Variants in PRIM2 observed in about 807,000 individuals in gnomAD.
PRIM2 encodes the protein DNA primase large subunit.
Under a neutral mutation model 67.3 loss-of-function variants are expected in PRIM2, and 39 were observed. The observed-to-expected ratio is 0.58, with a 90% CI of 0.45 to 0.76. The LOEUF (loss-of-function observed/expected upper bound fraction) is 0.76. PRIM2 is among the 30% of genes least tolerant of loss of function. The probability of loss-of-function intolerance (pLI) is 0.00; values close to 1 mark genes in which losing one functional copy is unlikely to be tolerated. For missense variants in PRIM2, 398 were observed against 598.7 expected (o/e 0.66, Z 3.50); for synonymous variants, 143 against 198.7 (o/e 0.72, Z 2.36).
chr6:57,374,002 A>C (rs1374908327), intron 5 of PRIM2, among the ~76,000 whole-genome samples: 1 of 152,148 alleles, frequency 6.6e-6, no homozygotes, highest in Non-Finnish European at 1.5e-5. Flanking sequence ...TGGTAGTTTG[A>C]TGGGATTAGC....
chr6:57,279,524 C>T, the PRIM2 span, among the ~76,000 whole-genome samples: 3 of 152,148 alleles, frequency 2.0e-5, no homozygotes, highest in Non-Finnish European at 4.4e-5. Context: ...CCCAGGCAGG[C>T]TCCAGTCACC....
chr6:57,379,323 T>A (rs1487151047), intron 5 of PRIM2, among the ~76,000 whole-genome samples: 1 of 135,732 alleles, frequency 7.4e-6, no homozygotes, highest in Non-Finnish European at 1.6e-5. Context: ...TTATATTTCA[T>A]CTTCATTTAC....
At chr6:57,544,256 G>A (rs1775239673) in intron 10 of PRIM2, among the ~76,000 whole-genome samples, 1 of 151,904 alleles carries the variant, frequency 6.6e-6, no homozygotes, top group African/African-American at 2.4e-5. Context: ...TGGTCGGAGA[G>A]GAGATTATGT....
At chr6:57,501,094 G>GAGAA (rs1416751024) in intron 7 of PRIM2, among the ~76,000 whole-genome samples, 4 of 152,054 alleles carry the variant, frequency 2.6e-5, no homozygotes, top group Admixed American at 1.3e-4. Context: ...TTGTTAAAAA[G>GAGAA]TGTTATTGAA....
chr6:57,417,956 G>C (rs551108316), intron 7 of PRIM2, among the ~76,000 whole-genome samples: 2 of 152,050 alleles, frequency 1.3e-5, no homozygotes, highest in African/African-American at 4.8e-5. Context: ...CTAGATCCTC[G>C]CTAATCAATT....
intron 12 of PRIM2, among the ~76,000 whole-genome samples, chr6:57,628,214 G>A (rs1776986516): frequency 6.6e-6 from 1 of 152,110 alleles, no homozygotes; most frequent in Non-Finnish European, 1.5e-5. Context: ...TCCTATTCTT[G>A]TTTTTTGTCT....
intron 5 of PRIM2, among the ~76,000 whole-genome samples, chr6:57,372,183 G>A (rs1042608571): frequency 1.2e-4 from 19 of 152,274 alleles, no homozygotes; most frequent in Admixed American, 9.8e-4. Flanking sequence ...CATCACCAAA[G>A]AGGAATTGAG....
the PRIM2 span, among the ~76,000 whole-genome samples, chr6:57,275,465 G>A: frequency 3.3e-5 from 5 of 152,146 alleles, no homozygotes; most frequent in East Asian, 9.7e-4. Context: ...CTCCAGCCTG[G>A]GCAACAGAGT....
intron 10 of PRIM2, among the ~76,000 whole-genome samples, chr6:57,583,818 G>A (rs1776142529): frequency 1.3e-5 from 2 of 152,296 alleles, no homozygotes; most frequent in South Asian, 2.1e-4. Flanking sequence ...ATATTTTCTA[G>A]AATGTAGAAG....
At chr6:57,235,577 T>C in the PRIM2 span, among the ~76,000 whole-genome samples, 9 of 152,248 alleles carry the variant, frequency 5.9e-5, no homozygotes, top group African/African-American at 2.2e-4. Flanking sequence ...ATAGGCAAGA[T>C]AATGCCCCAA....
chr6:57,299,787 A>AT, the PRIM2 span, among the ~76,000 whole-genome samples: 2 of 152,164 alleles, frequency 1.3e-5, no homozygotes, highest in Admixed American at 6.5e-5. Flanking sequence ...CTGTTCAGTG[A>AT]TTTTACCTAA....
chr6:57,362,982 G>A (rs892572892), intron 5 of PRIM2, among the ~76,000 whole-genome samples: 23 of 152,256 alleles, frequency 1.5e-4, no homozygotes, highest in Admixed American at 3.9e-4. Context: ...AGTTGTGAAA[G>A]CATGCTTACT....
rs550299059 is a variant in PRIM2 at position 57,328,502 on chromosome 6, C to A, written c.459+2457C>A. On this transcript the variant is annotated intron_variant, in intron 5 of 13. Coordinates refer to ENST00000615550, the MANE Select transcript of PRIM2 (RefSeq NM_000947.5). ...TTAGCATAATATTTTCAAGTTTCAT[C>A]TGTGCTGTAGAATGTATCAGTATTA... Among the ~76,000 whole-genome samples the A allele has an allele frequency of 2.0e-5, 3 of 152,286 alleles. No individual in the cohort carries two copies. The South Asian group carries it at 6.2e-4, about 32-fold the overall frequency.
the PRIM2 span, among the ~76,000 whole-genome samples, chr6:57,270,822 G>C: frequency 6.6e-6 from 1 of 152,016 alleles, no homozygotes; most frequent in African/African-American, 2.4e-5. Context: ...AATTTATTGA[G>C]AGTTTTTAGC....
chr6:57,642,179 A>G (rs1376341348), intron 13 of PRIM2, among the ~76,000 whole-genome samples: 11 of 152,058 alleles, frequency 7.2e-5, no homozygotes, highest in South Asian at 2.1e-4. Context: ...GAGTTGAACA[A>G]TGAGAACACA....
chr6:57,334,510 TA>T (rs1158101704), intron 5 of PRIM2, among the ~76,000 whole-genome samples: 1 of 152,062 alleles, frequency 6.6e-6, no homozygotes, highest in African/African-American at 2.4e-5. Context: ...CTACAAAAAA[TA>T]AAAAATAGCT....
At chr6:57,552,469 T>A (rs1360811398) in intron 10 of PRIM2, among the ~76,000 whole-genome samples, 1 of 152,018 alleles carries the variant, frequency 6.6e-6, no homozygotes, top group Non-Finnish European at 1.5e-5. Context: ...GATCTTGTGA[T>A]TTAGTCAAGT....
At chr6:57,301,341 G>A in the PRIM2 span, among the ~76,000 whole-genome samples, 1 of 151,854 alleles carries the variant, frequency 6.6e-6, no homozygotes, top group Non-Finnish European at 1.5e-5. Context: ...TACAAAATTA[G>A]CTGGGCGTGG....
At chr6:57,293,536 T>G in the PRIM2 span, among the ~76,000 whole-genome samples, 1 of 152,170 alleles carries the variant, frequency 6.6e-6, no homozygotes, top group Non-Finnish European at 1.5e-5. Context: ...CACATTCACA[T>G]GTATATTTAT....
Sources: allele counts gnomAD v4.1 joint callset (sites outside exome capture counted in the v4.1 genomes callset), GRCh38; gene constraint gnomAD v4.1.1; transcripts MANE v1.5; gene names NCBI Gene and HGNC (gene_info 2026-07-23, HGNC 2026-07-21).